Variants in TUSC3 observed in about 807,000 individuals in gnomAD.
The protein encoded by TUSC3 is tumor suppressor candidate 3.
Under a neutral mutation model 44.8 loss-of-function variants are expected in TUSC3, and 45 were observed. The observed-to-expected ratio is 1.00, with a 90% CI of 0.79 to 1.29. The LOEUF is 1.29. TUSC3 is among the 50% of genes most tolerant of loss of function. The probability of loss-of-function intolerance (pLI) is 0.00; values close to 1 mark genes in which losing one functional copy is unlikely to be tolerated. For synonymous variants in TUSC3, 212 were observed against 152.9 expected (o/e 1.39, Z -2.85); for missense variants, 519 against 437.9 (o/e 1.19, Z -1.65).
At chr8:15,647,859 T>G (rs897472185) in intron 2 of TUSC3, among the ~76,000 whole-genome samples, 1 of 152,230 alleles carries the variant, frequency 6.6e-6, no homozygotes, top group African/African-American at 2.4e-5. Flanking sequence ...GTGTTGCTAA[T>G]GATCAGTCCA....
chr8:15,501,894 C>G (rs924713465), intron 2 of TUSC3, among the ~76,000 whole-genome samples: 2 of 152,216 alleles, frequency 1.3e-5, no homozygotes, highest in Admixed American at 1.3e-4. Context: ...AGTCTCTTAT[C>G]CTACCTGTGT....
At chr8:15,622,970 A>G in intron 1 of TUSC3, 110 bp from the exon 2 acceptor site, 2 of 1,088,148 alleles carry the variant, frequency 1.8e-6, no homozygotes, top group Non-Finnish European at 2.7e-6. Flanking sequence ...TTTTCTATAA[A>G]CTTGGATATC....
intron 1 of TUSC3, among the ~76,000 whole-genome samples, chr8:15,479,162 C>A (rs566596672): frequency 1.3e-5 from 2 of 151,992 alleles, no homozygotes; most frequent in African/African-American, 4.8e-5. Context: ...TGTTTAAGTT[C>A]TTTGTAGATT....
intron 1 of TUSC3, among the ~76,000 whole-genome samples, chr8:15,450,362 C>A (rs1282617595): frequency 6.6e-6 from 1 of 151,868 alleles, no homozygotes; most frequent in Non-Finnish European, 1.5e-5. Context: ...GTTTTTAGGG[C>A]TGACTTTTCC....
chr8:15,588,575 C>G (rs1389871472), intron 1 of TUSC3, among the ~76,000 whole-genome samples: 1 of 152,054 alleles, frequency 6.6e-6, no homozygotes, highest in Non-Finnish European at 1.5e-5. Flanking sequence ...TCCAATTTGT[C>G]TATTTTTGTT....
At chr8:15,510,029 G>A (rs765474764) in intron 2 of TUSC3, among the ~76,000 whole-genome samples, 19 of 152,074 alleles carry the variant, frequency 1.2e-4, no homozygotes, top group Admixed American at 5.9e-4. Flanking sequence ...GAAAAATAGC[G>A]AGCCATGGAG....
the TUSC3 span, among the ~76,000 whole-genome samples, chr8:15,813,897 C>T: frequency 3.9e-5 from 6 of 152,072 alleles, no homozygotes; most frequent in Non-Finnish European, 7.3e-5. Context: ...CTGCTTGAGT[C>T]TAACATCTAG....
chr8:15,806,105 G>C, the TUSC3 span: 3 of 404,614 alleles, frequency 7.4e-6, no homozygotes, highest in African/African-American at 4.1e-5. Context: ...GCTGTACTCA[G>C]CTTTGGAGGT....
chr8:15,688,317 A>C (rs1178589991), intron 6 of TUSC3, among the ~76,000 whole-genome samples: 2 of 152,196 alleles, frequency 1.3e-5, no homozygotes, highest in Non-Finnish European at 2.9e-5. Context: ...TTTTCAATGC[A>C]TGTTTATCAA....
chr8:15,673,946 A>G (rs568723042), intron 6 of TUSC3, 110 bp downstream of exon 6: 3 of 912,286 alleles, frequency 3.3e-6, no homozygotes, highest in Admixed American at 4.2e-5. Flanking sequence ...GTCAGTCAAA[A>G]TATATATTCT....
At chr8:15,489,061 C>G (rs914880560) in intron 2 of TUSC3, among the ~76,000 whole-genome samples, 21 of 151,982 alleles carry the variant, frequency 1.4e-4, no homozygotes, top group Admixed American at 1.4e-3. Flanking sequence ...TATGAGTGAC[C>G]AAGACTGAGG....
the TUSC3 span, among the ~76,000 whole-genome samples, chr8:15,827,393 G>T: frequency 6.6e-6 from 1 of 152,122 alleles, no homozygotes; most frequent in Admixed American, 6.6e-5. Flanking sequence ...TTAAAAAGTG[G>T]AATGTTTTCT....
intron 2 of TUSC3, among the ~76,000 whole-genome samples, chr8:15,639,937 G>A (rs1360208669): frequency 6.6e-6 from 1 of 152,126 alleles, no homozygotes; most frequent in Non-Finnish European, 1.5e-5. Flanking sequence ...TCAGAAGACA[G>A]TGATTATCAT....
chr8:15,444,623 A>G (rs982421117), intron 1 of TUSC3, among the ~76,000 whole-genome samples: 1 of 152,158 alleles, frequency 6.6e-6, no homozygotes, highest in Non-Finnish European at 1.5e-5. Context: ...TGCAGAGATG[A>G]ACACAGAAGC....
intron 2 of TUSC3, among the ~76,000 whole-genome samples, chr8:15,490,293 C>T (rs1054730465): frequency 6.6e-6 from 1 of 152,152 alleles, no homozygotes; most frequent in Non-Finnish European, 1.5e-5. Flanking sequence ...CATCCAAATG[C>T]AGGTGGAATT....
intron 1 of TUSC3, among the ~76,000 whole-genome samples, chr8:15,471,522 C>G (rs941586087): frequency 2.0e-5 from 3 of 151,204 alleles, no homozygotes; most frequent in Non-Finnish European, 4.4e-5. Context: ...CTTAAATTAA[C>G]TTAAATTTTT....
At chr8:15,788,754 C>G in the TUSC3 span, among the ~76,000 whole-genome samples, 1 of 152,062 alleles carries the variant, frequency 6.6e-6, no homozygotes, top group Non-Finnish European at 1.5e-5. Context: ...GCTGTAGGTT[C>G]TCAGGAAACA....
At chr8:15,567,549 C>T (rs919993549) in intron 1 of TUSC3, among the ~76,000 whole-genome samples, 2 of 152,114 alleles carry the variant, frequency 1.3e-5, no homozygotes, top group Non-Finnish European at 2.9e-5. Flanking sequence ...TTGTCAATGG[C>T]TTTGCATATA....
the TUSC3 span, among the ~76,000 whole-genome samples, chr8:15,783,186 T>C: frequency 0.022 from 3,407 of 152,224 alleles, 121 homozygotes; most frequent in African/African-American, 0.077. Flanking sequence ...CTATAAAATA[T>C]TAGTGAAAAA....
Sources: allele counts gnomAD v4.1 joint callset (sites outside exome capture counted in the v4.1 genomes callset), GRCh38; gene constraint gnomAD v4.1.1; transcripts MANE v1.5; gene names NCBI Gene and HGNC (gene_info 2026-07-23, HGNC 2026-07-21).